IL1RAPL2: variants seen among roughly 807,000 people sequenced by gnomAD.
IL1RAPL2 encodes interleukin 1 receptor accessory protein like 2.
In IL1RAPL2, 3 loss-of-function variants were observed where a neutral mutation model predicts 44.1. The ratio of observed to expected loss-of-function variants is 0.07; its 90% CI spans 0.03 to 0.18. IL1RAPL2 has a LOEUF of 0.18. IL1RAPL2 is among the 10% of genes least tolerant of loss of function. The pLI is 1.00. For synonymous variants in IL1RAPL2, 181 were observed against 178.8 expected (o/e 1.01, Z -0.10); for missense variants, 391 against 496.4 (o/e 0.79, Z 2.02).
intron 2 of IL1RAPL2, among the ~76,000 whole-genome samples, chrX:104,678,020 C>G (rs964283988): frequency 1.8e-5 from 2 of 112,450 alleles, no homozygotes; most frequent in Non-Finnish European, 3.8e-5. Context: ...GAGATGAACC[C>G]GGTACCTCAG....
chrX:104,674,358 A>C (rs1187208959), intron 2 of IL1RAPL2, among the ~76,000 whole-genome samples: 1 of 111,939 alleles, frequency 8.9e-6, no homozygotes, highest in Admixed American at 9.5e-5. Context: ...TGAGATAATC[A>C]TGTGGTTTTT....
At chrX:105,005,258 C>T (rs763020097) in intron 2 of IL1RAPL2, among the ~76,000 whole-genome samples, 35 of 111,345 alleles carry the variant, frequency 3.1e-4, no homozygotes, top group Middle Eastern at 4.6e-3. Context: ...TACAATGCTT[C>T]GTATAGGGTA....
chrX:105,721,612 T>C (rs979488059), intron 7 of IL1RAPL2, among the ~76,000 whole-genome samples: 5 of 111,267 alleles, frequency 4.5e-5, no homozygotes, highest in African/African-American at 1.6e-4. Context: ...CAGCAGCAAA[T>C]GATTAGAGTT....
intron 2 of IL1RAPL2, among the ~76,000 whole-genome samples, chrX:105,079,044 C>T (rs1478704016): frequency 8.9e-6 from 1 of 112,196 alleles, no homozygotes; most frequent in Non-Finnish European, 1.9e-5. Context: ...CTATCCTGCA[C>T]CCACTGTCCA....
At chrX:104,676,169 T>C (rs1188556147) in intron 2 of IL1RAPL2, among the ~76,000 whole-genome samples, 1 of 111,103 alleles carries the variant, frequency 9.0e-6, no homozygotes, top group African/African-American at 3.3e-5. Flanking sequence ...TTTTGCTCGT[T>C]AGTTGATGCA....
intron 5 of IL1RAPL2, chrX:105,406,730 CAGA>C (rs1313350508): frequency 8.4e-7 from 1 of 1,194,629 alleles, no homozygotes; most frequent in Non-Finnish European, 1.1e-6. Flanking sequence ...TGTTCTAATG[CAGA>C]AGGAGCATCC....
chrX:105,717,303 T>C, intron 6 of IL1RAPL2, 64 bp from the exon 7 acceptor site: 2 of 1,004,371 alleles, frequency 2.0e-6, no homozygotes, highest in East Asian at 3.5e-5. Flanking sequence ...TGTTAAATGG[T>C]CGCTTCCTGT....
chrX:104,865,471 A>AAT (rs755889452), intron 2 of IL1RAPL2, among the ~76,000 whole-genome samples: 9 of 111,289 alleles, frequency 8.1e-5, no homozygotes, highest in Non-Finnish European at 1.7e-4. Flanking sequence ...TGGGATGGTT[A>AAT]ATATTGAGTG....
intron 2 of IL1RAPL2, among the ~76,000 whole-genome samples, chrX:104,718,790 C>T: frequency 9.0e-6 from 1 of 111,723 alleles, no homozygotes; most frequent in Middle Eastern, 4.6e-3. Flanking sequence ...TGATTTACTG[C>T]AGGATTCTTT....
At chrX:105,726,852 T>C (rs1308548373) in intron 7 of IL1RAPL2, among the ~76,000 whole-genome samples, 1 of 110,545 alleles carries the variant, frequency 9.0e-6, no homozygotes, top group Non-Finnish European at 1.9e-5. Context: ...TACAAAACTT[T>C]CTTCCTTCCT....
chrX:105,023,985 C>G (rs921896920), intron 2 of IL1RAPL2, among the ~76,000 whole-genome samples: 1 of 111,076 alleles, frequency 9.0e-6, no homozygotes, highest in Non-Finnish European at 1.9e-5. Flanking sequence ...TTTTCAAAGA[C>G]AGTGGCTTCA....
intron 1 of IL1RAPL2, among the ~76,000 whole-genome samples, chrX:104,600,374 A>G (rs1323984691): frequency 9.0e-6 from 1 of 111,471 alleles, no homozygotes; most frequent in African/African-American, 3.3e-5. Context: ...TGCTATGAAA[A>G]TAGAAAGTGA....
At chrX:105,077,647 T>G (rs2032330020) in intron 2 of IL1RAPL2, among the ~76,000 whole-genome samples, 1 of 112,289 alleles carries the variant, frequency 8.9e-6, no homozygotes, top group East Asian at 2.8e-4. Flanking sequence ...TTTTTCCAAC[T>G]TGGTTCCATT....
At chrX:105,539,124 T>A (rs1451617904) in intron 6 of IL1RAPL2, among the ~76,000 whole-genome samples, 1 of 111,132 alleles carries the variant, frequency 9.0e-6, no homozygotes, top group Admixed American at 9.6e-5. Flanking sequence ...CAGAGCAAAG[T>A]ACAGATGCAG....
chrX:105,359,429 A>G (rs1205966779), intron 5 of IL1RAPL2, among the ~76,000 whole-genome samples: 1 of 111,598 alleles, frequency 9.0e-6, no homozygotes, highest in Non-Finnish European at 1.9e-5. Context: ...GAATTTTCAT[A>G]ATGTGGTACC....
At chrX:105,053,800 G>T (rs997252887) in intron 2 of IL1RAPL2, among the ~76,000 whole-genome samples, 1 of 111,502 alleles carries the variant, frequency 9.0e-6, no homozygotes, top group Non-Finnish European at 1.9e-5. Context: ...CACTTATAAT[G>T]TTAAACAATG....
intron 5 of IL1RAPL2, among the ~76,000 whole-genome samples, chrX:105,377,144 T>C (rs1399996040): frequency 1.8e-5 from 2 of 111,685 alleles, no homozygotes; most frequent in Non-Finnish European, 3.8e-5. Context: ...TGTCTATACA[T>C]TTTTTCTTTT....
At chrX:105,252,198 T>C (rs1239393721) in intron 4 of IL1RAPL2, among the ~76,000 whole-genome samples, 1 of 111,705 alleles carries the variant, frequency 9.0e-6, no homozygotes, top group Non-Finnish European at 1.9e-5. Flanking sequence ...GTAGCTTTTT[T>C]GTCTGTCTTC....
intron 6 of IL1RAPL2, among the ~76,000 whole-genome samples, chrX:105,575,033 T>C (rs1395408473): frequency 8.9e-6 from 1 of 112,083 alleles, no homozygotes; most frequent in Non-Finnish European, 1.9e-5. Flanking sequence ...TGAATATATA[T>C]GCCAAACTTA....
Sources: gnomAD v4.1 joint callset for allele counts (sites outside exome capture counted in the v4.1 genomes callset) on GRCh38, gnomAD v4.1.1 for gene constraint, MANE v1.5 for transcripts, NCBI Gene and HGNC (gene_info 2026-07-23, HGNC 2026-07-21) for gene names.